Variants in SLIT1 observed in about 807,000 individuals in gnomAD.
The protein encoded by SLIT1 is slit homolog 1 protein.
Under a neutral mutation model 186.1 loss-of-function variants are expected in SLIT1, and 66 were observed. The observed-to-expected ratio is 0.35, with a 90% CI of 0.29 to 0.44. SLIT1 has a LOEUF of 0.44. Among genes scored for constraint, SLIT1 ranks in the 20% least tolerant of loss-of-function variants. The pLI is 1.00. For missense variants in SLIT1, 1,638 were observed against 2,037.4 expected (o/e 0.80, Z 3.77); for synonymous variants, 761 against 833.8 (o/e 0.91, Z 1.50).
At chr10:97,029,599 T>C (rs1266786340) in intron 25 of SLIT1, among the ~76,000 whole-genome samples, 1 of 152,264 alleles carries the variant, frequency 6.6e-6, no homozygotes, top group Non-Finnish European at 1.5e-5. Flanking sequence ...CCAGTGCTTT[T>C]TGATTTCGTC....
chr10:97,011,166 G>T (rs765254215), intron 30 of SLIT1, 36 bp from the exon 31 acceptor site: 1 of 1,546,302 alleles, frequency 6.5e-7, no homozygotes, highest in Non-Finnish European at 8.9e-7. Flanking sequence ...TGGGGGGTCA[G>T]CCACACAGAG....
chr10:97,101,346 C>G (rs1286450668), intron 4 of SLIT1: 1 of 152,240 alleles, frequency 6.6e-6, no homozygotes, highest in Non-Finnish European at 1.5e-5. Context: ...GAAGGCTGTA[C>G]TTACCTCTCC....
At chr10:97,051,956 A>G (rs921317716) in intron 13 of SLIT1, among the ~76,000 whole-genome samples, 6 of 152,206 alleles carry the variant, frequency 3.9e-5, no homozygotes, top group African/African-American at 1.4e-4. Context: ...ATTGTGGTCT[A>G]TTTACACAAT....
At chr10:97,183,200 G>C (rs1359019876) in intron 1 of SLIT1, among the ~76,000 whole-genome samples, 4 of 152,124 alleles carry the variant, frequency 2.6e-5, no homozygotes, top group Non-Finnish European at 1.5e-5. Flanking sequence ...GAGGCTGCCT[G>C]GCCCTCTCCT....
chr10:97,063,368 G>A, intron 8 of SLIT1, 87 bp downstream of exon 8: 1 of 1,447,012 alleles, frequency 6.9e-7, no homozygotes, highest in Non-Finnish European at 9.7e-7. Context: ...GGGCAGGCCA[G>A]GTATTAATGT....
rs552378933 is a variant in SLIT1 at position 97,002,252 on chromosome 10, G to C, written c.4272C>G (p.Gly1424=). The C allele has an allele frequency of 6.2e-7, 1 of 1,600,960 alleles. No individual in the cohort carries two copies. The highest frequency in any genetic ancestry group is 1.7e-5 in the Admixed American group (1 of 58,760). Residue 1424 remains glycine, a synonymous_variant, in exon 36 of 37, where the codon GGC becomes GGG. Coordinates refer to ENST00000266058, the MANE Select transcript of SLIT1 (RefSeq NM_003061.3). ...GGCAGTGGCCATGCAGGCACTGCAG[G>C]CCTCTGCAGGGCTCTGCCAGGGCCC... is the stretch of plus-strand genomic sequence containing the variant. ...QAGALAEPCR[G]LQCLHGHCQA...
At chr10:97,094,776 A>G (rs112154245) in intron 4 of SLIT1, among the ~76,000 whole-genome samples, 41 of 152,368 alleles carry the variant, frequency 2.7e-4, no homozygotes, top group African/African-American at 7.9e-4. Context: ...GGGCATGAAT[A>G]TCTTTGAATT....
At chr10:97,111,515 A>T (rs1849464443) in intron 4 of SLIT1, among the ~76,000 whole-genome samples, 1 of 152,210 alleles carries the variant, frequency 6.6e-6, no homozygotes, top group Non-Finnish European at 1.5e-5. Flanking sequence ...GGAGAAACCA[A>T]ACATACCCTG....
At chr10:97,119,491 AAT>A (rs1330244907) in intron 4 of SLIT1, among the ~76,000 whole-genome samples, 1 of 152,164 alleles carries the variant, frequency 6.6e-6, no homozygotes, top group Non-Finnish European at 1.5e-5. Flanking sequence ...TGGAAACATG[AAT>A]TCACAATGGC....
intron 4 of SLIT1, among the ~76,000 whole-genome samples, chr10:97,075,048 C>A (rs550827457): frequency 6.6e-6 from 1 of 152,220 alleles, no homozygotes; most frequent in Non-Finnish European, 1.5e-5. Context: ...GCTGCCCACT[C>A]GGGCGCCACT....
intron 25 of SLIT1, among the ~76,000 whole-genome samples, chr10:97,029,412 G>T (rs1005709742): frequency 1.3e-5 from 2 of 152,208 alleles, no homozygotes; most frequent in African/African-American, 4.8e-5. Context: ...CCCTTTTAGG[G>T]CTTGAGGATG....
intron 3 of SLIT1, among the ~76,000 whole-genome samples, chr10:97,162,254 A>G (rs1350557481): frequency 6.6e-6 from 1 of 152,178 alleles, no homozygotes. Context: ...ACTGTTCTTC[A>G]GAAATGTGAT....
At chr10:97,037,568 A>G in intron 22 of SLIT1, 130 bp downstream of exon 22, 1 of 688,320 alleles carries the variant, frequency 1.5e-6, no homozygotes, top group Non-Finnish European at 2.6e-6. Context: ...CTGTTCCCAG[A>G]GGGGAGCAGG....
intron 31 of SLIT1, among the ~76,000 whole-genome samples, chr10:97,009,175 C>A (rs180770913): frequency 8.2e-4 from 125 of 152,190 alleles, no homozygotes; most frequent in African/African-American, 2.9e-3. Flanking sequence ...CCGCGCCCAG[C>A]CAGCCAAAAC....
intron 22 of SLIT1, among the ~76,000 whole-genome samples, chr10:97,036,726 C>A: frequency 6.6e-6 from 1 of 152,154 alleles, no homozygotes; most frequent in East Asian, 1.9e-4. Context: ...GTGGAATGTT[C>A]TCTGGACTTC....
chr10:97,072,940 A>G (rs12773769), intron 4 of SLIT1, among the ~76,000 whole-genome samples: 21,226 of 152,216 alleles, frequency 0.14, 1,693 homozygotes, highest in Non-Finnish European at 0.18. Flanking sequence ...CACAACCTCC[A>G]TTTAGCAGCA....
intron 1 of SLIT1, among the ~76,000 whole-genome samples, chr10:97,179,790 C>T (rs7901361): frequency 7.6e-6 from 1 of 132,208 alleles, no homozygotes; most frequent in African/African-American, 2.6e-5. Flanking sequence ...GGAGCCAATT[C>T]TCCACACCCT....
intron 4 of SLIT1, among the ~76,000 whole-genome samples, chr10:97,101,058 G>C (rs1314860671): frequency 6.6e-6 from 1 of 152,320 alleles, no homozygotes; most frequent in Admixed American, 6.5e-5. Flanking sequence ...AGCCCTTAAC[G>C]TTGCCAGTGT....
chr10:97,095,332 C>T (rs544520376), intron 4 of SLIT1, among the ~76,000 whole-genome samples: 3 of 152,320 alleles, frequency 2.0e-5, no homozygotes, highest in Non-Finnish European at 2.9e-5. Context: ...TGCATCCATG[C>T]TTTCCAGCCA....
Sources: gnomAD v4.1 joint callset for allele counts (sites outside exome capture counted in the v4.1 genomes callset) on GRCh38, gnomAD v4.1.1 for gene constraint, MANE v1.5 for transcripts, NCBI Gene and HGNC (gene_info 2026-07-23, HGNC 2026-07-21) for gene names.